Variants in SH3KBP1 observed in about 807,000 individuals in gnomAD.
SH3KBP1 encodes the protein SH3 domain-containing kinase-binding protein 1.
SH3KBP1 carries 8 observed loss-of-function variants against 50.1 expected under a neutral mutation model. That is an observed-to-expected ratio of 0.16 (90% CI 0.09 to 0.29). The LOEUF is 0.29. Among genes scored for constraint, SH3KBP1 ranks in the 10% least tolerant of loss-of-function variants. SH3KBP1 has a pLI of 1.00. For synonymous variants in SH3KBP1, 227 were observed against 218.6 expected, an observed-to-expected ratio of 1.04 and a Z score of -0.34; for missense variants, 377 against 535.2, an observed-to-expected ratio of 0.70 and a Z score of 2.92.
intron 9 of SH3KBP1, among the ~76,000 whole-genome samples, chrX:19,605,493 A>C (rs998382103): frequency 8.9e-6 from 1 of 111,759 alleles, no homozygotes; most frequent in Non-Finnish European, 1.9e-5. Context: ...GTCACCATGA[A>C]GGTCTTGGCG....
chrX:19,773,244 G>A (rs1055992610), intron 2 of SH3KBP1, among the ~76,000 whole-genome samples: 2 of 111,220 alleles, frequency 1.8e-5, no homozygotes, highest in Non-Finnish European at 1.9e-5. Flanking sequence ...TCATCCCAGA[G>A]GTTCCTTTGT....
At chrX:19,564,497 TG>T (rs1487668535) in intron 13 of SH3KBP1, among the ~76,000 whole-genome samples, 1 of 110,706 alleles carries the variant, frequency 9.0e-6, no homozygotes, top group African/African-American at 3.3e-5. Context: ...CAGACTCAAA[TG>T]GTATCATTTC....
intron 2 of SH3KBP1, among the ~76,000 whole-genome samples, chrX:19,832,675 T>C (rs2067930221): frequency 9.1e-6 from 1 of 109,536 alleles, no homozygotes; most frequent in African/African-American, 3.4e-5. Flanking sequence ...CTCGCATCCC[T>C]CCCTGCCATC....
intron 3 of SH3KBP1, among the ~76,000 whole-genome samples, chrX:19,719,168 C>T (rs1320965093): frequency 9.0e-6 from 1 of 111,665 alleles, no homozygotes; most frequent in Non-Finnish European, 1.9e-5. Context: ...CTGTCTCCAT[C>T]TTTTCAACCC....
At chrX:19,711,387 G>A (rs1166916809) in intron 3 of SH3KBP1, among the ~76,000 whole-genome samples, 2 of 111,484 alleles carry the variant, frequency 1.8e-5, no homozygotes, top group African/African-American at 3.3e-5. Context: ...AACTGACTAC[G>A]GTGTCATGAC....
At chrX:19,684,064 G>C in intron 5 of SH3KBP1, 36 bp from the exon 6 acceptor site, 1 of 1,119,329 alleles carries the variant, frequency 8.9e-7, no homozygotes, top group Non-Finnish European at 1.2e-6. Context: ...AAAGAGCTCA[G>C]AAATCAGCCA....
At chrX:19,605,263 C>T (rs1369289819) in intron 9 of SH3KBP1, among the ~76,000 whole-genome samples, 1 of 111,233 alleles carries the variant, frequency 9.0e-6, no homozygotes, top group Non-Finnish European at 1.9e-5. Context: ...ACCCTACTGC[C>T]CATCACCACA....
At chrX:19,714,088 C>T (rs747043198) in intron 3 of SH3KBP1, among the ~76,000 whole-genome samples, 7 of 110,743 alleles carry the variant, frequency 6.3e-5, no homozygotes, top group Non-Finnish European at 1.3e-4. Context: ...AGCCAGGCAC[C>T]GAAAGACAAA....
chrX:19,595,063 G>A (rs775772611), intron 9 of SH3KBP1, 63 bp from the exon 10 acceptor site: 33 of 803,234 alleles, frequency 4.1e-5, no homozygotes, highest in Non-Finnish European at 4.6e-5. Flanking sequence ...CTCACAGAAG[G>A]ACCACAGACA....
At chrX:19,840,910 C>T (rs770991802) in intron 1 of SH3KBP1, among the ~76,000 whole-genome samples, 1 of 112,269 alleles carries the variant, frequency 8.9e-6, no homozygotes, top group Non-Finnish European at 1.9e-5. Flanking sequence ...CCAGCCTCCA[C>T]AAGTTTGCTA....
chrX:19,758,327 C>CAAAAAAA (rs60332447), intron 2 of SH3KBP1, among the ~76,000 whole-genome samples: 1 of 37,669 alleles, frequency 2.7e-5, no homozygotes, highest in African/African-American at 5.9e-5. Context: ...GACTTCGTTT[C>CAAAAAAA]AAAAAAAAAA....
intron 6 of SH3KBP1, among the ~76,000 whole-genome samples, chrX:19,674,472 G>A (rs1004998926): frequency 1.8e-5 from 2 of 112,192 alleles, no homozygotes; most frequent in Non-Finnish European, 3.8e-5. Flanking sequence ...TTCAGTGAAT[G>A]AATGAATGAG....
chrX:19,850,863 G>A (rs772789637), intron 1 of SH3KBP1, among the ~76,000 whole-genome samples: 1 of 109,867 alleles, frequency 9.1e-6, no homozygotes, highest in Non-Finnish European at 1.9e-5. Flanking sequence ...CAGCCTCCCC[G>A]AGACCTACTG....
intron 6 of SH3KBP1, among the ~76,000 whole-genome samples, chrX:19,669,479 C>T (rs920160121): frequency 5.4e-5 from 6 of 110,443 alleles, no homozygotes; most frequent in African/African-American, 1.6e-4. Context: ...TGTCAGGCCC[C>T]CCAGGGGCTA....
chrX:19,559,216 G>A (rs760154961), intron 13 of SH3KBP1, among the ~76,000 whole-genome samples: 1 of 78,803 alleles, frequency 1.3e-5, no homozygotes, highest in South Asian at 9.9e-4. Context: ...AGGTTGCAGT[G>A]AGCTGAGATG....
chrX:19,785,817 A>G (rs1443826197), intron 2 of SH3KBP1, among the ~76,000 whole-genome samples: 1 of 111,489 alleles, frequency 9.0e-6, no homozygotes, highest in Non-Finnish European at 1.9e-5. Context: ...TAAGTAGAAT[A>G]AGCCAGTCAC....
chrX:19,741,877 T>A (rs1036360719), intron 3 of SH3KBP1, among the ~76,000 whole-genome samples: 2 of 110,876 alleles, frequency 1.8e-5, no homozygotes, highest in African/African-American at 6.6e-5. Flanking sequence ...TACCAAAAAG[T>A]GAGGAAGGAA....
At chrX:19,546,480 C>T (rs950955639) in intron 14 of SH3KBP1, among the ~76,000 whole-genome samples, 1 of 112,436 alleles carries the variant, frequency 8.9e-6, no homozygotes, top group East Asian at 2.8e-4. Context: ...AGAGGCTGCT[C>T]TAATCTGCCT....
chrX:19,778,367 G>A (rs2066050962), intron 2 of SH3KBP1, among the ~76,000 whole-genome samples: 1 of 103,005 alleles, frequency 9.7e-6, no homozygotes, highest in African/African-American at 3.6e-5. Flanking sequence ...GGAGGCTGAG[G>A]TTACAGTGAG....
Sources: allele counts gnomAD v4.1 joint callset (sites outside exome capture counted in the v4.1 genomes callset), GRCh38; gene constraint gnomAD v4.1.1; transcripts MANE v1.5; gene names NCBI Gene and HGNC (gene_info 2026-07-23, HGNC 2026-07-21).